Variants in MGAM2 observed in about 807,000 individuals in gnomAD.
The protein encoded by MGAM2 is probable maltase-glucoamylase 2.
Under a neutral mutation model 96.1 loss-of-function variants are expected in MGAM2, and 98 were observed. That is an observed-to-expected ratio of 1.02 (90% confidence interval 0.87 to 1.21). MGAM2 has a LOEUF of 1.21. Among genes scored for constraint, MGAM2 ranks in the 50% most tolerant of loss-of-function variants. The pLI is 0.00. For missense variants in MGAM2, 2,055 were observed against 1,182.4 expected, an observed-to-expected ratio of 1.74 and a Z score of -10.82; for synonymous variants, 749 against 414.8, an observed-to-expected ratio of 1.81 and a Z score of -9.79.
intron 45 of MGAM2, among the ~76,000 whole-genome samples, chr7:142,201,598 C>T (rs576401837): frequency 7.2e-5 from 11 of 152,280 alleles, no homozygotes; most frequent in Admixed American, 2.0e-4. Flanking sequence ...CCTGAAAGTT[C>T]GCCTTTTATA....
chr7:142,152,702 G>C (rs963971030), intron 15 of MGAM2, among the ~76,000 whole-genome samples: 1 of 152,174 alleles, frequency 6.6e-6, no homozygotes, highest in African/African-American at 2.4e-5. Context: ...AGAAGAGCTT[G>C]CCTGCGAAGA....
At chr7:142,186,841 T>C (rs541891864) in intron 35 of MGAM2, among the ~76,000 whole-genome samples, 5 of 152,206 alleles carry the variant, frequency 3.3e-5, no homozygotes, top group Admixed American at 6.5e-5. Flanking sequence ...ACCTTTGAGA[T>C]AGTTAGGCAC....
chr7:142,198,391 C>A (rs1215820488), intron 43 of MGAM2, among the ~76,000 whole-genome samples, 196 bp downstream of exon 43: 1 of 152,236 alleles, frequency 6.6e-6, no homozygotes, highest in Middle Eastern at 3.4e-3. Context: ...TGAAGCTCCC[C>A]CCTCACCCTT....
intron 6 of MGAM2, among the ~76,000 whole-genome samples, chr7:142,133,235 AT>A (rs529793005): frequency 4.2e-4 from 60 of 143,260 alleles, no homozygotes; most frequent in Middle Eastern, 3.8e-3. Context: ...ACATAAGATA[AT>A]TTTTTAATAT....
intron 45 of MGAM2, among the ~76,000 whole-genome samples, chr7:142,206,848 T>G (rs1797415980): frequency 6.6e-6 from 1 of 152,244 alleles, no homozygotes; most frequent in East Asian, 1.9e-4. Context: ...TTATTTAACT[T>G]TTCCTCACAT....
chr7:142,120,670 G>A (rs1433615638), intron 3 of MGAM2, among the ~76,000 whole-genome samples: 1 of 152,168 alleles, frequency 6.6e-6, no homozygotes, highest in Non-Finnish European at 1.5e-5. Context: ...TGATTCCAAG[G>A]ATAGTGGTAG....
chr7:142,189,025 G>C (rs1438453915), intron 36 of MGAM2, among the ~76,000 whole-genome samples: 1 of 152,178 alleles, frequency 6.6e-6, no homozygotes, highest in East Asian at 1.9e-4. Flanking sequence ...GATTGAAATA[G>C]ATTTATTCCC....
chr7:142,137,001 G>T (rs1194116545), intron 8 of MGAM2, among the ~76,000 whole-genome samples: 1 of 152,074 alleles, frequency 6.6e-6, no homozygotes, highest in Non-Finnish European at 1.5e-5. Flanking sequence ...GTTTCTCACA[G>T]CCCACCCACA....
intron 31 of MGAM2, among the ~76,000 whole-genome samples, chr7:142,173,689 C>T (rs1388218662): frequency 6.6e-6 from 1 of 152,088 alleles, no homozygotes; most frequent in Non-Finnish European, 1.5e-5. Context: ...GGGGACTATC[C>T]CTTTGGGCTA....
intron 33 of MGAM2, among the ~76,000 whole-genome samples, chr7:142,183,950 CTTTTTTTTTTTTTTTTTTTTTTT>C (rs748299647): frequency 2.0e-4 from 9 of 46,146 alleles, no homozygotes; most frequent in Non-Finnish European, 3.9e-4. Flanking sequence ...TTCCAGGCTC[CTTTTTTTTTTTTTTTTTTTTTTT>C]TTTTTTTTTT....
At chr7:142,121,684 T>C (rs1228548054) in intron 3 of MGAM2, among the ~76,000 whole-genome samples, 3 of 150,732 alleles carry the variant, frequency 2.0e-5, no homozygotes, top group Non-Finnish European at 4.4e-5. Context: ...ATTTTTACTT[T>C]ATATTATGTT....
At position 142,148,261 on chromosome 7, in the gene MGAM2, T is replaced by TC. The variant is rs912745056; in HGVS notation, c.1634+695dup. On this transcript the variant is annotated intron_variant, in intron 15 of 47. Transcript: ENST00000477922. This position sits in a 1 kb window ranked among gnomAD's most constrained non-coding sequence, Gnocchi z 4.2. ...ACCACCACCACAGTTATCACCACCA[T>TC]CCCCCCCACCACCACAATCACTATC... Among the ~76,000 whole-genome samples the TC allele has an allele frequency of 1.4e-5, 2 of 143,172 alleles. No homozygotes were observed. The highest frequency in any genetic ancestry group is 5.3e-5 in the African/African-American group (2 of 37,954). The allele number at this position is 143,172 out of a possible 152,430, so 93.9% of individuals were successfully genotyped here.
rs915628180 is a variant in MGAM2, at chr7:142,148,996, G to A, written c.1634+1423G>A. Among the ~76,000 whole-genome samples the A allele has an allele frequency of 1.3e-5, 2 of 152,102 alleles. No individual in the cohort carries two copies. The highest frequency in any genetic ancestry group is 2.9e-5 in the Non-Finnish European group (2 of 68,022). On this transcript the variant is annotated intron_variant, in intron 15 of 47. Coordinates refer to ENST00000477922, the MANE Select transcript of MGAM2 (RefSeq NM_001293626.2). This position sits in a 1 kb window ranked among gnomAD's most constrained non-coding sequence, Gnocchi z 4.2. ...AATCCAAGCACTTTGGGAGGCTGAG[G>A]TGGGCAGATCACCTGAGTTCAGGAG...
intron 1 of MGAM2, among the ~76,000 whole-genome samples, chr7:142,114,684 A>G (rs1031953477): frequency 2.6e-5 from 4 of 152,172 alleles, no homozygotes; most frequent in African/African-American, 7.2e-5. Context: ...GATCTAGATA[A>G]CAGATACAAG....
In MGAM2 at chr7:142,220,175, T is replaced by TACTAATGCTAGC; in HGVS notation, c.5675_5686dup (p.Ser1892_Ala1895dup). 1 of 702,942 alleles carries TACTAATGCTAGC rather than the reference T, an allele frequency of 1.4e-6. No homozygotes were observed. The highest frequency in any genetic ancestry group is 2.6e-6 in the Non-Finnish European group (1 of 384,964). The allele number at this position is 702,942 out of a possible 1,614,324, so 43.5% of individuals were successfully genotyped here. A position where few individuals can be genotyped will look rare whatever the true frequency, so the allele number is the denominator to read the frequency against. On this transcript the variant is annotated inframe_insertion, in exon 48 of 48. Transcript: ENST00000477922. ...CAACTTCTCCTTTCCCTACAAGTAC[T>TACTAATGCTAGC]ACTAATGCTAGCACTAATGCTACTG...
chr7:142,157,743 G>A (rs549518437), intron 17 of MGAM2, among the ~76,000 whole-genome samples, 194 bp from the exon 18 acceptor site: 1 of 152,246 alleles, frequency 6.6e-6, no homozygotes, highest in Non-Finnish European at 1.5e-5. Flanking sequence ...CATTGGGAAA[G>A]TCATATAATC....
chr7:142,197,995 G>A, intron 42 of MGAM2, 144 bp from the exon 43 acceptor site: 1 of 582,082 alleles, frequency 1.7e-6, no homozygotes, highest in Admixed American at 3.0e-5. Context: ...TAATTTTTCA[G>A]GATTTTTCTT....
intron 15 of MGAM2, among the ~76,000 whole-genome samples, chr7:142,150,133 G>T (rs942338452): frequency 6.6e-6 from 1 of 151,734 alleles, no homozygotes; most frequent in African/African-American, 2.4e-5. Context: ...TAGAGACGGG[G>T]TTTCTCCATG....
intron 46 of MGAM2, among the ~76,000 whole-genome samples, chr7:142,212,368 G>A (rs1311934970): frequency 6.6e-6 from 1 of 152,188 alleles, no homozygotes; most frequent in Non-Finnish European, 1.5e-5. Context: ...AACCTTAAAT[G>A]TAAATGGGCT....
Sources: allele counts gnomAD v4.1 joint callset (sites outside exome capture counted in the v4.1 genomes callset), GRCh38; gene constraint gnomAD v4.1.1; non-coding constraint Gnocchi (gnomAD v3.1); transcripts MANE v1.5; gene names NCBI Gene and HGNC (gene_info 2026-07-23, HGNC 2026-07-21).